Variants in SLC44A4 observed in about 807,000 individuals in gnomAD.
SLC44A4 encodes solute carrier family 44 member 4.
SLC44A4 carries 74 observed loss-of-function variants against 97.0 expected under a neutral mutation model. The ratio of observed to expected loss-of-function variants is 0.76; its 90% CI spans 0.63 to 0.93. The LOEUF (loss-of-function observed/expected upper bound fraction) is 0.93. Ranked by LOEUF, SLC44A4 falls within the 40% of genes least tolerant of loss-of-function variation. The pLI is 0.00. For missense variants in SLC44A4, 799 were observed against 902.9 expected, an observed-to-expected ratio of 0.88 and a Z score of 1.48; for synonymous variants, 325 against 363.8, an observed-to-expected ratio of 0.89 and a Z score of 1.21.
chr6:31,865,375 C>T lies in SLC44A4; in HGVS notation c.1700G>A (p.Gly567Glu), dbSNP rs747032806. Residue 567 changes from glycine (G) to glutamate (E), a missense_variant, in exon 17 of 21, where the codon GGG becomes GAG. Coordinates refer to ENST00000229729, the MANE Select transcript of SLC44A4 (RefSeq NM_025257.3). The surrounding 1 kb of genome is among the most constrained non-coding windows in gnomAD (Gnocchi z 5.2). ...TTTGGCTGAGACACAGAAATTCTTC[C>T]CGTAGATGGCGATCTGAGGGAGGTG... is the stretch of plus-strand genomic sequence containing the variant. Reference protein sequence around the residue: ...RNAYIMIAIYGKNFCVSAKNA... With the variant: ...RNAYIMIAIYEKNFCVSAKNA... 1 of 1,613,974 alleles carries T rather than the reference C, an allele frequency of 6.2e-7. No individual in the cohort carries two copies.
In SLC44A4 at chr6:31,876,914, G is replaced by A; in HGVS notation, c.89+120C>T. 1.9e-6 allele frequency: 2 copies of A among 1,065,648 alleles called. No individual in the cohort carries two copies. The highest frequency in any genetic ancestry group is 2.7e-6 in the Non-Finnish European group (2 of 736,588). 66.0% of individuals were successfully genotyped at this position (1,065,648 alleles called of 1,614,324 possible). A position where few individuals can be genotyped will look rare whatever the true frequency, so the allele number is the denominator to read the frequency against. Reference sequence around the variant, plus strand: ...CCCCCCAGGGCACCACCCATCTGGGGCAGGAGTTTCTCTTTTTCACAAGTT... The same window carrying A: ...CCCCCCAGGGCACCACCCATCTGGGACAGGAGTTTCTCTTTTTCACAAGTT... On this transcript the variant is annotated intron_variant, in intron 2 of 20. Coordinates refer to ENST00000229729, the MANE Select transcript of SLC44A4 (RefSeq NM_025257.3). The surrounding 1 kb of genome is among the most constrained non-coding windows in gnomAD (Gnocchi z 4.8).
intron 7 of SLC44A4, among the ~76,000 whole-genome samples, chr6:31,872,318 A>G (rs1453151604): frequency 6.6e-6 from 1 of 152,042 alleles, no homozygotes; most frequent in Admixed American, 6.6e-5. Context: ...TTACTGCAAC[A>G]TTGAACTTCT....
At position 31,878,727 on chromosome 6, in the gene SLC44A4, C is replaced by T. The variant is rs966677353; in HGVS notation, c.40+214G>A. On this transcript the variant is annotated intron_variant, in intron 1 of 20. Coordinates refer to ENST00000229729, the MANE Select transcript of SLC44A4 (RefSeq NM_025257.3). The surrounding 1 kb of genome is among the most constrained non-coding windows in gnomAD (Gnocchi z 4.0). Reference sequence around the variant, plus strand: ...CTTCAGAGGCACCCAGCTTCACTCCCCATGGGCTCCCCAGCAACAGCCCCA... The same window carrying T: ...CTTCAGAGGCACCCAGCTTCACTCCTCATGGGCTCCCCAGCAACAGCCCCA... Among the ~76,000 whole-genome samples the T allele has an allele frequency of 5.3e-5, 8 of 152,126 alleles. No homozygotes were observed. The highest frequency in any genetic ancestry group is 1.9e-4 in the African/African-American group (8 of 41,422).
chr6:31,870,959 C>T lies in SLC44A4; in HGVS notation c.790G>A (p.Gly264Arg). The T allele has an allele frequency of 1.2e-6, 2 of 1,612,982 alleles. No homozygotes were observed. Among genetic ancestry groups the T allele is most frequent in the Non-Finnish European group, 1.7e-6 (2 of 1,179,964 alleles). The stretch of plus-strand genomic sequence containing the variant: ...CCGTATGCCAGCACGCCCAGCACTC[C>T]CAGGATCAGCACCAGCACCAGGGGC... Reference protein sequence around the residue: ...AGPLVLVLILGVLGVLAYGIY... With the variant: ...AGPLVLVLILRVLGVLAYGIY... The change falls in exon 10 of 21, where the codon GGA becomes AGA. Residue 264 changes from glycine (G) to arginine (R), a missense_variant. This residue lies in a region of SLC44A4 where 409 missense variants were observed against 434.1 expected (regional missense o/e 0.94). Coordinates refer to ENST00000229729, the MANE Select transcript of SLC44A4 (RefSeq NM_025257.3).
rs770801841 is a variant in SLC44A4 at position 31,865,114 on chromosome 6, A to G, written c.1761-34T>C. The G allele has an allele frequency of 8.1e-6, 13 of 1,609,974 alleles. No homozygotes were observed. The highest frequency in any genetic ancestry group is 3.3e-5 in the Admixed American group (2 of 60,014). On this transcript the variant is annotated intron_variant, in intron 17 of 20. Transcript: ENST00000229729. This position sits in a 1 kb window ranked among gnomAD's most constrained non-coding sequence, Gnocchi z 5.2. Reference sequence around the variant, plus strand: ...GAAGTTAGGGCAGGTTGAGGGTGAGAGGCCTGGCAATGCTGAGAGTGAAAT... The same window carrying G: ...GAAGTTAGGGCAGGTTGAGGGTGAGGGGCCTGGCAATGCTGAGAGTGAAAT...
Position 31,865,929 on chromosome 6 carries a change from G to A in SLC44A4, c.1431C>T (p.His477=), listed in dbSNP as rs1163835138. The change falls in exon 14 of 21, where the codon CAC becomes CAT. Residue 477 remains histidine, a synonymous_variant. Coordinates refer to ENST00000229729, the MANE Select transcript of SLC44A4 (RefSeq NM_025257.3). The surrounding 1 kb of genome is among the most constrained non-coding windows in gnomAD (Gnocchi z 5.2). ...GGAAGGTAGGGATGTCCTGGGGCTT[G>A]TGGAAGGCCCAGTAGAAGGAGGCAA... ...GAFASFYWAF[H]KPQDIPTFPL... 1.2e-6 allele frequency: 2 copies of A among 1,614,228 alleles called. No homozygotes were observed. The highest frequency in any genetic ancestry group is 1.7e-6 in the Non-Finnish European group (2 of 1,180,032).
intron 20 of SLC44A4, 104 bp from the exon 21 acceptor site, chr6:31,863,852 C>A: frequency 5.4e-6 from 8 of 1,487,440 alleles, no homozygotes; most frequent in Non-Finnish European, 7.3e-6. Flanking sequence ...GCACCACCAC[C>A]CTTACCCCCG....
intron 4 of SLC44A4, 46 bp downstream of exon 4, chr6:31,875,806 C>A (rs1232401955): frequency 6.5e-7 from 1 of 1,540,364 alleles, no homozygotes; most frequent in Non-Finnish European, 8.8e-7. Flanking sequence ...CCTGCCCACC[C>A]TACCTCGCCT....
In SLC44A4 at chr6:31,865,096, G is replaced by A. The variant is rs2151553015; in HGVS notation, c.1761-16C>T. 2 of 1,613,308 alleles carry A rather than the reference G, an allele frequency of 1.2e-6. No homozygotes were observed. The highest frequency in any genetic ancestry group is 2.2e-5 in the South Asian group (2 of 91,082). ...GACGACCACCCTGTGCCAGAAGTTA[G>A]GGCAGGTTGAGGGTGAGAGGCCTGG... On this transcript the variant is annotated splice_polypyrimidine_tract_variant and intron_variant, in intron 17 of 20. Transcript: ENST00000229729. The surrounding 1 kb of genome is among the most constrained non-coding windows in gnomAD (Gnocchi z 5.2).
chr6:31,870,498 T>C, intron 11 of SLC44A4, 105 bp downstream of exon 11: 4 of 860,568 alleles, frequency 4.6e-6, no homozygotes, highest in African/African-American at 1.7e-5. Flanking sequence ...ATTCCTCCCT[T>C]CTCCTCTGAG....
chr6:31,871,627 C>G, intron 7 of SLC44A4, 66 bp from the exon 8 acceptor site: 1 of 1,256,654 alleles, frequency 8.0e-7, no homozygotes, highest in Non-Finnish European at 1.2e-6. Context: ...CTCTGGCCCC[C>G]TCCCAGTCCA....
chr6:31,865,156 G>C lies in SLC44A4; in HGVS notation c.1761-76C>G, dbSNP rs947554837. 3.2e-6 allele frequency: 5 copies of C among 1,563,508 alleles called. No homozygotes were observed. Among genetic ancestry groups the C allele is most frequent in the Non-Finnish European group, 3.5e-6 (4 of 1,134,700 alleles). On this transcript the variant is annotated intron_variant, in intron 17 of 20. Transcript: ENST00000229729. This position sits in a 1 kb window ranked among gnomAD's most constrained non-coding sequence, Gnocchi z 5.2. ...GAGTGAAATTGGCTTCGTAATTTGT[G>C]GGGACTGGTGCAAAATGAAAATTGT...
At position 31,875,011 on chromosome 6, in the gene SLC44A4, A is replaced by T; in HGVS notation, c.260T>A (p.Leu87Gln). 6.2e-7 allele frequency: 1 copy of T among 1,612,564 alleles called. No homozygotes were observed. Among genetic ancestry groups the T allele is most frequent in the Non-Finnish European group, 8.5e-7 (1 of 1,179,926 alleles). ...GATGCAGCTGAAGATGTTGAAGTAC[A>T]GGAGATACGGCTTATCTCTGTGGGA... The part of the protein sequence containing the change: ...MGENKDKPYL[L>Q]YFNIFSCILS... The change falls in exon 5 of 21, where the codon CTG becomes CAG. Residue 87 changes from leucine to glutamine, a missense_variant. Around this residue, in one of 3 missense-constraint regions of SLC44A4, gnomAD observed 409 missense variants for 434.1 expected, o/e 0.94. Coordinates refer to ENST00000229729, the MANE Select transcript of SLC44A4 (RefSeq NM_025257.3).
intron 4 of SLC44A4, 44 bp from the exon 5 acceptor site, chr6:31,875,072 G>GT: frequency 2.7e-6 from 4 of 1,496,968 alleles, no homozygotes; most frequent in Non-Finnish European, 3.7e-6. Flanking sequence ...CTGGTCAGGT[G>GT]TTGGGGGAGG....
At chr6:31,875,672 C>T in intron 4 of SLC44A4, 180 bp downstream of exon 4, 1 of 612,264 alleles carries the variant, frequency 1.6e-6, no homozygotes, top group East Asian at 2.7e-5. Flanking sequence ...GCTAACTGTC[C>T]AGCAATGGTT....
At chr6:31,869,361 A>G in intron 12 of SLC44A4, 104 bp from the exon 13 acceptor site, 2 of 1,013,944 alleles carry the variant, frequency 2.0e-6, no homozygotes, top group Non-Finnish European at 2.9e-6. Flanking sequence ...TGCTGCACAG[A>G]GAGGGCTGAA....
chr6:31,876,240 C>G lies in SLC44A4; in HGVS notation c.90-111G>C. 1.4e-6 allele frequency: 1 copy of G among 724,242 alleles called. No individual in the cohort carries two copies. Among genetic ancestry groups the G allele is most frequent in the South Asian group, 1.9e-5 (1 of 52,828 alleles). The allele number at this position is 724,242 out of a possible 1,614,324, so 44.9% of individuals were successfully genotyped here. ...TTGGGTGATGCTGCAGCATGGGCAT[C>G]AGTAGGCTTTATTTTTATTTTTTTA... On this transcript the variant is annotated intron_variant, in intron 2 of 20. Coordinates refer to ENST00000229729, the MANE Select transcript of SLC44A4 (RefSeq NM_025257.3). This position sits in a 1 kb window ranked among gnomAD's most constrained non-coding sequence, Gnocchi z 4.8.
chr6:31,871,053 G>A lies in SLC44A4; in HGVS notation c.702-6C>T, dbSNP rs1206105348. Reference sequence around the variant, plus strand: ...CCAGAGCCACCCCCAGGGCACTGTAGGCAGGGTGAGGACAGTGAGGTTCAG... The same window carrying A: ...CCAGAGCCACCCCCAGGGCACTGTAAGCAGGGTGAGGACAGTGAGGTTCAG... On this transcript the variant is annotated splice_region_variant and splice_polypyrimidine_tract_variant and intron_variant, in intron 9 of 20. Coordinates refer to ENST00000229729, the MANE Select transcript of SLC44A4 (RefSeq NM_025257.3). The A allele has an allele frequency of 6.3e-7, 1 of 1,597,496 alleles. No homozygotes were observed. Among genetic ancestry groups the A allele is most frequent in the Admixed American group, 1.7e-5 (1 of 57,478 alleles).
At position 31,874,548 on chromosome 6, in the gene SLC44A4, A is replaced by G; in HGVS notation, c.469-28T>C. Reference sequence around the variant, plus strand: ...GTGGCAGGAGTGAAAGGACAGACACACAGACACAGAGCAGGATGAAGAAGC... The same window carrying G: ...GTGGCAGGAGTGAAAGGACAGACACGCAGACACAGAGCAGGATGAAGAAGC... On this transcript the variant is annotated intron_variant, in intron 6 of 20. Transcript: ENST00000229729. This position sits in a 1 kb window ranked among gnomAD's most constrained non-coding sequence, Gnocchi z 4.8. The G allele has an allele frequency of 6.2e-7, 1 of 1,610,128 alleles. No homozygotes were observed. Among genetic ancestry groups the G allele is most frequent in the South Asian group, 1.1e-5 (1 of 90,670 alleles).
Sources: allele counts gnomAD v4.1 joint callset (sites outside exome capture counted in the v4.1 genomes callset), GRCh38; gene constraint gnomAD v4.1.1; regional missense constraint gnomAD v4.1.1; non-coding constraint Gnocchi (gnomAD v3.1); transcripts MANE v1.5; gene names NCBI Gene and HGNC (gene_info 2026-07-23, HGNC 2026-07-21).